Variants in LARP1 observed in about 807,000 individuals in gnomAD.
LARP1 encodes la-related protein 1.
In LARP1, 36 loss-of-function variants were observed where a neutral mutation model predicts 122.7. The ratio of observed to expected loss-of-function variants is 0.29; its 90% CI spans 0.22 to 0.39. The LOEUF is 0.39. LARP1 is among the 10% of genes least tolerant of loss of function. LARP1 has a pLI of 1.00. For missense variants in LARP1, 1,040 were observed against 1,403.6 expected, an observed-to-expected ratio of 0.74 and a Z score of 4.14; for synonymous variants, 539 against 528.7, an observed-to-expected ratio of 1.02 and a Z score of -0.27.
At chr5:154,707,639 G>T (rs1755013672) in intron 1 of LARP1, among the ~76,000 whole-genome samples, 1 of 152,088 alleles carries the variant, frequency 6.6e-6, no homozygotes, top group African/African-American at 2.4e-5. Flanking sequence ...AGCTGGGGTG[G>T]GGGGGCATGG....
chr5:154,754,800 C>T (rs922577372), upstream of LARP1, among the ~76,000 whole-genome samples: 24 of 152,252 alleles, frequency 1.6e-4, no homozygotes, highest in African/African-American at 4.8e-4. Flanking sequence ...GGGCGGGGAC[C>T]GAAGGGGCCA....
intron 1 of LARP1, among the ~76,000 whole-genome samples, chr5:154,706,263 C>T (rs568886060): frequency 6.6e-6 from 1 of 151,220 alleles, no homozygotes; most frequent in Non-Finnish European, 1.5e-5. Flanking sequence ...CACTGCACTG[C>T]AGCCTGGGAG....
At chr5:154,687,362 T>C (rs1183988401) in intron 1 of LARP1, among the ~76,000 whole-genome samples, 1 of 152,206 alleles carries the variant, frequency 6.6e-6, no homozygotes, top group Non-Finnish European at 1.5e-5. Flanking sequence ...TTTTTTTCAG[T>C]GTATTTATAC....
chr5:154,740,198 C>G (rs1278033629), intron 1 of LARP1, among the ~76,000 whole-genome samples: 1 of 151,714 alleles, frequency 6.6e-6, no homozygotes, highest in Non-Finnish European at 1.5e-5. Context: ...TCGAGACCAG[C>G]CTGACCAACA....
At chr5:154,759,719 G>T (rs1754290406) in intron 1 of LARP1, among the ~76,000 whole-genome samples, 1 of 152,090 alleles carries the variant, frequency 6.6e-6, no homozygotes, top group Non-Finnish European at 1.5e-5. Flanking sequence ...TTGACTTTAT[G>T]TTGTTGGGAA....
chr5:154,750,767 C>G (rs529525919), upstream of LARP1, among the ~76,000 whole-genome samples: 21 of 152,220 alleles, frequency 1.4e-4, no homozygotes, highest in South Asian at 3.3e-3. Context: ...GCCACCACAC[C>G]TGGCTAATTT....
At chr5:154,805,850 C>G (rs1218774397) in intron 14 of LARP1, 31 bp from the exon 15 acceptor site, 11 of 1,606,524 alleles carry the variant, frequency 6.8e-6, no homozygotes, top group Non-Finnish European at 6.8e-6. Context: ...TGTGGGGAAC[C>G]TGGTGACAGT....
At chr5:154,717,424 G>T (rs900179379) in intron 1 of LARP1, among the ~76,000 whole-genome samples, 2 of 152,130 alleles carry the variant, frequency 1.3e-5, no homozygotes, top group African/African-American at 2.4e-5. Flanking sequence ...GTAAGTTATG[G>T]CACCTGTTTG....
chr5:154,802,261 A>G lies in LARP1; in HGVS notation c.1971A>G (p.Pro657=). 6.2e-7 allele frequency: 1 copy of G among 1,614,090 alleles called. No individual in the cohort carries two copies. The highest frequency in any genetic ancestry group is 8.5e-7 in the Non-Finnish European group (1 of 1,179,994). The change falls in exon 11 of 19, where the codon CCA becomes CCG. Residue 657 remains proline (P), a synonymous_variant. Coordinates refer to ENST00000518297, the MANE Select transcript of LARP1 (RefSeq NM_033551.3). This position sits in a 1 kb window ranked among gnomAD's most constrained non-coding sequence, Gnocchi z 5.1. ...TQTPHYMRRH[P]GGDRTGNHTS... is the part of the protein sequence containing the mutation. ...CACCACATTACATGCGCCGGCACCC[A>G]GGGGGGGACCGCACAGGCAACCACA...
At chr5:154,762,354 C>G (rs180726894) in intron 1 of LARP1, among the ~76,000 whole-genome samples, 1 of 152,194 alleles carries the variant, frequency 6.6e-6, no homozygotes. Flanking sequence ...ATTACTCACT[C>G]TGAGGGTTTA....
chr5:154,733,852 C>T (rs535076678), intron 1 of LARP1, among the ~76,000 whole-genome samples: 5 of 152,044 alleles, frequency 3.3e-5, no homozygotes, highest in South Asian at 4.1e-4. Context: ...TGTGAGCCAC[C>T]GTGCCTGGCC....
chr5:154,773,338 C>A (rs1647433232), intron 1 of LARP1, among the ~76,000 whole-genome samples: 1 of 151,922 alleles, frequency 6.6e-6, no homozygotes, highest in Admixed American at 6.6e-5. Context: ...TTTTTGTAAC[C>A]CTCAAAGCCA....
rs115024605 is a variant in LARP1 at position 154,726,188 on chromosome 5, G to A, written c.205+13058G>A. Reference sequence around the variant, plus strand: ...GCTACCAAAGGGCAACACCCTAGGAGTAGAGGTGAATTAGAATTAGACCAG... The same window carrying A: ...GCTACCAAAGGGCAACACCCTAGGAATAGAGGTGAATTAGAATTAGACCAG... On this transcript the variant is annotated intron_variant, in intron 1 of 18. Coordinates refer to the LARP1 transcript ENST00000336314. Among the ~76,000 whole-genome samples the A allele has an allele frequency of 8.4e-3, 1,274 of 152,270 alleles. 11 individuals are homozygous for A. The highest frequency in any genetic ancestry group is 0.029 in the African/African-American group (1,221 of 41,548).
chr5:154,768,942 A>G (rs1755178418), intron 1 of LARP1, among the ~76,000 whole-genome samples: 1 of 152,146 alleles, frequency 6.6e-6, no homozygotes, highest in Non-Finnish European at 1.5e-5. Context: ...GCTGAGTTCA[A>G]GCAATTCTCC....
intron 1 of LARP1, among the ~76,000 whole-genome samples, chr5:154,776,180 G>T (rs904078591): frequency 6.6e-6 from 1 of 152,184 alleles, no homozygotes; most frequent in African/African-American, 2.4e-5. Context: ...AGAGCATTGG[G>T]TGAGCAAACA....
At position 154,768,683 on chromosome 5, in the gene LARP1, G is replaced by C. The variant is rs536203213; in HGVS notation, c.436+12490G>C. On this transcript the variant is annotated intron_variant, in intron 1 of 18. Transcript: ENST00000518297. ...TGCAACCTCCACCTCCTGGGTTCAA[G>C]TGATTCTCCTGCCTCAGCCTCCTGA... 5.9e-5 allele frequency among the ~76,000 whole-genome samples: 9 copies of C among 152,300 alleles called. No homozygotes were observed. In the East Asian group the frequency reaches 1.7e-3, roughly 29 times the overall value.
At chr5:154,784,373 T>A (rs1047930456) in intron 1 of LARP1, among the ~76,000 whole-genome samples, 1 of 151,934 alleles carries the variant, frequency 6.6e-6, no homozygotes, top group Non-Finnish European at 1.5e-5. Context: ...CCGAAGGAGG[T>A]CGACCTAACG....
At chr5:154,779,405 G>A (rs1469693805) in intron 1 of LARP1, among the ~76,000 whole-genome samples, 2 of 152,036 alleles carry the variant, frequency 1.3e-5, no homozygotes, top group African/African-American at 4.8e-5. Context: ...CAAAGTCCAC[G>A]CTGTTAACTG....
chr5:154,692,557 C>G (rs1030833428), intron 1 of LARP1, among the ~76,000 whole-genome samples: 1 of 152,166 alleles, frequency 6.6e-6, no homozygotes, highest in African/African-American at 2.4e-5. Flanking sequence ...TCTTCTCTTC[C>G]CCACCCTGTA....
Sources: gnomAD v4.1 joint callset for allele counts (sites outside exome capture counted in the v4.1 genomes callset) on GRCh38, gnomAD v4.1.1 for gene constraint, Gnocchi (gnomAD v3.1) non-coding constraint, MANE v1.5 for transcripts, NCBI Gene and HGNC (gene_info 2026-07-23, HGNC 2026-07-21) for gene names.